The following AMPD3 variants were observed in gnomAD, a reference collection of about 807,000 sequenced individuals.
The protein encoded by AMPD3 is AMP deaminase 3.
Under a neutral mutation model 82.3 loss-of-function variants are expected in AMPD3, and 57 were observed. The observed-to-expected ratio is 0.69, with a 90% CI of 0.56 to 0.86. The LOEUF (loss-of-function observed/expected upper bound fraction) is 0.86, where lower values mean the gene tolerates loss of function less well. Ranked by LOEUF, AMPD3 falls within the 40% of genes least tolerant of loss-of-function variation. The pLI, the probability that AMPD3 is intolerant of heterozygous loss-of-function variation, is 0.00. For synonymous variants in AMPD3, 381 were observed against 394.7 expected (o/e 0.97, Z 0.41); for missense variants, 870 against 1,003.8 (o/e 0.87, Z 1.80).
chr11:10,492,182 C>T (rs1230740411), intron 6 of AMPD3, among the ~76,000 whole-genome samples: 1 of 152,222 alleles, frequency 6.6e-6, no homozygotes, highest in African/African-American at 2.4e-5. Context: ...TGGGCTCCTT[C>T]TGCAAAGGTG....
rs1239408808 is a variant in AMPD3 at position 10,478,597 on chromosome 11, G to C, written c.293G>C (p.Gly98Ala). 2 of 1,614,032 alleles carry C rather than the reference G, an allele frequency of 1.2e-6. No individual in the cohort carries two copies. Among genetic ancestry groups the C allele is most frequent in the East Asian group, 4.5e-5 (2 of 44,890 alleles). The change falls in exon 3 of 15, where the codon GGC becomes GCC. Residue 98 changes from glycine (G) to alanine (A), a missense_variant. Transcript: ENST00000396553. ...ATGCCGCCACAGCAAGATTGGAAGG[G>C]CCCCCCGGCAGCCAGTCCGGCCATG... Reference protein sequence around the residue: ...LQMPPQQDWKGPPAASPAMSP... With the variant: ...LQMPPQQDWKAPPAASPAMSP...
Position 10,462,384 on chromosome 11 carries a change from G to A in AMPD3, c.221+644G>A, listed in dbSNP as rs151179431. Among the ~76,000 whole-genome samples the A allele has an allele frequency of 3.9e-3, 588 of 152,260 alleles. 2 individuals carry two copies. Among genetic ancestry groups the A allele is most frequent in the Non-Finnish European group, 6.0e-3 (411 of 68,002 alleles). On this transcript the variant is annotated intron_variant, in intron 2 of 14. Transcript: ENST00000396553. ...AAGGAGCAGCTACTACCCAGGACAG[G>A]AGTGACAAGGAAAGCAGTAGTGTTT...
At chr11:10,455,074 G>C, upstream of AMPD3, 1 of 848,556 alleles carries the variant, frequency 1.2e-6, no homozygotes, top group Non-Finnish European at 1.4e-6. Flanking sequence ...TTGGACATGC[G>C]GAGGTGACTC....
intron 14 of AMPD3, 197 bp from the exon 15 acceptor site, chr11:10,505,511 G>A: frequency 1.0e-6 from 1 of 985,306 alleles, no homozygotes; most frequent in Non-Finnish European, 1.2e-6. Context: ...GATGACTGAG[G>A]TTGTCAGGGT....
In AMPD3 at chr11:10,475,958, A is replaced by G. The variant is rs566656667; in HGVS notation, c.222-2568A>G. 7.5e-4 allele frequency among the ~76,000 whole-genome samples: 114 copies of G among 152,324 alleles called. 1 individual carries two copies. Among genetic ancestry groups the G allele is most frequent in the Admixed American group, 3.1e-3 (48 of 15,304 alleles). On this transcript the variant is annotated intron_variant, in intron 2 of 14. Transcript: ENST00000396553. ...TCCAGACAAGAGTACAGTGTGGCTA[A>G]CATCTTGATTTTGGCCTCTTGATAC...
chr11:10,502,474 C>T (rs1485395323), intron 12 of AMPD3: 24 of 985,330 alleles, frequency 2.4e-5, no homozygotes, highest in Non-Finnish European at 2.9e-5. Context: ...CAAGAATGAG[C>T]ACTTCCAACA....
intron 2 of AMPD3, among the ~76,000 whole-genome samples, chr11:10,464,913 T>C (rs1848376645): frequency 6.6e-6 from 1 of 152,248 alleles, no homozygotes; most frequent in South Asian, 2.1e-4. Context: ...GAGAGACTTC[T>C]ACAGGCAGGG....
intron 10 of AMPD3, among the ~76,000 whole-genome samples, chr11:10,498,593 G>A (rs886935484): frequency 6.6e-6 from 1 of 152,318 alleles, no homozygotes; most frequent in Non-Finnish European, 1.5e-5. Context: ...GAGTGCTTAG[G>A]GTCATAGCAG....
chr11:10,500,954 G>T, intron 11 of AMPD3: 1 of 985,396 alleles, frequency 1.0e-6, no homozygotes, highest in Non-Finnish European at 1.2e-6. Flanking sequence ...GGGTGTGGAG[G>T]TTTCGAATGG....
intron 10 of AMPD3, chr11:10,497,648 G>A: frequency 1.0e-6 from 1 of 985,348 alleles, no homozygotes; most frequent in Non-Finnish European, 1.2e-6. Context: ...CAAGCTGAGG[G>A]ACATCATCAA....
At chr11:10,497,243 G>C (rs1380355466) in intron 10 of AMPD3, among the ~76,000 whole-genome samples, 1 of 152,170 alleles carries the variant, frequency 6.6e-6, no homozygotes, top group Non-Finnish European at 1.5e-5. Context: ...GCCAGGTGGG[G>C]CTGGAAAGGC....
intron 12 of AMPD3, chr11:10,501,829 C>T: frequency 1.0e-6 from 1 of 982,542 alleles, no homozygotes; most frequent in South Asian, 4.7e-5. Flanking sequence ...ATAGAAATAG[C>T]CATTATTAGC....
intron 2 of AMPD3, chr11:10,477,037 C>G: frequency 6.1e-6 from 6 of 985,458 alleles, no homozygotes; most frequent in Non-Finnish European, 7.2e-6. Flanking sequence ...CAGGTGAGAA[C>G]CAGAGGGCCA....
chr11:10,492,086 G>A (rs1260416488), intron 6 of AMPD3, among the ~76,000 whole-genome samples: 2 of 152,186 alleles, frequency 1.3e-5, no homozygotes, highest in African/African-American at 4.8e-5. Flanking sequence ...GGAGAGGACA[G>A]AGATGCAAGG....
At chr11:10,486,943 TG>T in intron 5 of AMPD3, 1 of 985,352 alleles carries the variant, frequency 1.0e-6, no homozygotes, top group Non-Finnish European at 1.2e-6. Flanking sequence ...TCATGGGAAA[TG>T]GAGGCTTGCG....
chr11:10,459,097 C>A (rs1286612236), intron 1 of AMPD3, among the ~76,000 whole-genome samples: 1 of 152,198 alleles, frequency 6.6e-6, no homozygotes, highest in African/African-American at 2.4e-5. Context: ...TCCCCACAGG[C>A]AGCTCTGTTC....
chr11:10,479,513 T>C (rs567808185), intron 3 of AMPD3, among the ~76,000 whole-genome samples: 1 of 152,348 alleles, frequency 6.6e-6, no homozygotes, highest in South Asian at 2.1e-4. Flanking sequence ...AAAATTTTTT[T>C]GGTTATGTGT....
intron 9 of AMPD3, chr11:10,496,178 A>C: frequency 1.0e-6 from 1 of 976,658 alleles, no homozygotes; most frequent in Non-Finnish European, 1.2e-6. Flanking sequence ...GCCTCCCAAA[A>C]TGCTGGGATT....
Position 10,505,968 on chromosome 11 carries a change from A to G in AMPD3, c.*84A>G. The G allele has an allele frequency of 1.3e-6, 2 of 1,532,068 alleles. No homozygotes were observed. The highest frequency in any genetic ancestry group is 2.3e-5 in the South Asian group (2 of 88,882). The allele number at this position is 1,532,068 out of a possible 1,614,324, so 94.9% of individuals were successfully genotyped here. A position where few individuals can be genotyped will look rare whatever the true frequency, so the allele number is the denominator to read the frequency against. On this transcript the variant is annotated 3_prime_UTR_variant, in exon 15 of 15. Coordinates refer to ENST00000396553, the MANE Select transcript of AMPD3 (RefSeq NM_001025389.2). ...ATAGTGGTCAAGATTCCGAACTAGGACTTTCCTCTGTGAAGAGGATGCCTC... is the reference window on the plus strand; with the variant it reads ...ATAGTGGTCAAGATTCCGAACTAGGGCTTTCCTCTGTGAAGAGGATGCCTC...
Sources: allele counts gnomAD v4.1 joint callset (sites outside exome capture counted in the v4.1 genomes callset), GRCh38; gene constraint gnomAD v4.1.1; transcripts MANE v1.5; gene names NCBI Gene and HGNC (gene_info 2026-07-23, HGNC 2026-07-21).